Variants in CDH2 observed in about 807,000 individuals in gnomAD.
CDH2 encodes the protein cadherin 2.
In CDH2, 17 loss-of-function variants were observed where a neutral mutation model predicts 92.0. The ratio of observed to expected loss-of-function variants is 0.18; its 90% CI spans 0.13 to 0.28. CDH2 has a LOEUF of 0.28. Among genes scored for constraint, CDH2 ranks in the 10% least tolerant of loss-of-function variants. CDH2 has a pLI of 1.00. For synonymous variants in CDH2, 419 were observed against 415.9 expected, an observed-to-expected ratio of 1.01 and a Z score of -0.09; for missense variants, 862 against 1,133.1, an observed-to-expected ratio of 0.76 and a Z score of 3.44.
In CDH2 at chr18:28,043,674, C is replaced by A. The variant is rs77253337; in HGVS notation, c.173-29765G>T. ...TCTTGAAATAAATTCCCCACCAGCA[C>A]TATTCTTATTATCATCCTCTTTGAA... is the stretch of plus-strand genomic sequence containing the variant. On this transcript the variant is annotated intron_variant, in intron 2 of 15. Transcript: ENST00000269141. Among the ~76,000 whole-genome samples the A allele has an allele frequency of 2.7e-5, 4 of 150,592 alleles. No individual in the cohort carries two copies. In the East Asian group the frequency reaches 7.9e-4, roughly 30 times the overall value.
At chr18:28,044,778 CAA>C (rs10709800) in intron 2 of CDH2, among the ~76,000 whole-genome samples, 30 of 148,268 alleles carry the variant, frequency 2.0e-4, no homozygotes, top group African/African-American at 6.9e-4. Flanking sequence ...AGTTACTTGT[CAA>C]AAAAAAAATG....
chr18:28,120,866 T>A (rs2015576534), intron 2 of CDH2, among the ~76,000 whole-genome samples: 1 of 152,130 alleles, frequency 6.6e-6, no homozygotes, highest in Admixed American at 6.6e-5. Flanking sequence ...CCTTTGAAAA[T>A]GATCTTAAAC....
chr18:27,985,258 T>TTTGA lies in CDH2; in HGVS notation c.1976-29_1976-26dup. 3 of 1,322,960 alleles carry TTTGA rather than the reference T, an allele frequency of 2.3e-6. No individual in the cohort carries two copies. In the South Asian group the frequency reaches 3.6e-5, roughly 16 times the overall value. The allele number at this position is 1,322,960 out of a possible 1,614,324, so 82.0% of individuals were successfully genotyped here. On this transcript the variant is annotated intron_variant, in intron 12 of 15. Coordinates refer to ENST00000269141, the MANE Select transcript of CDH2 (RefSeq NM_001792.5). ...CCTATATGAAAAAGGAAAAACATAG[T>TTTGA]TTGATAGGTAATACTTAAAGCGATA... is the stretch of plus-strand genomic sequence containing the variant.
chr18:28,138,056 G>A (rs903671172), intron 2 of CDH2, among the ~76,000 whole-genome samples: 5 of 152,020 alleles, frequency 3.3e-5, no homozygotes, highest in Non-Finnish European at 7.4e-5. Context: ...GTGTGTGTGT[G>A]TGAAGGTTTT....
intron 2 of CDH2, among the ~76,000 whole-genome samples, chr18:28,136,702 A>C (rs11564310): frequency 6.6e-6 from 1 of 152,108 alleles, no homozygotes; most frequent in African/African-American, 2.4e-5. Flanking sequence ...ACCTCCAAAA[A>C]TCCATCTAGA....
chr18:28,074,469 C>T (rs2014679593), intron 2 of CDH2, among the ~76,000 whole-genome samples: 1 of 152,100 alleles, frequency 6.6e-6, no homozygotes, highest in Non-Finnish European at 1.5e-5. Flanking sequence ...TGGTTTTCAA[C>T]TCCTGACCTC....
chr18:27,967,148 G>A (rs1761281714), intron 14 of CDH2, among the ~76,000 whole-genome samples: 1 of 152,144 alleles, frequency 6.6e-6, no homozygotes, highest in Non-Finnish European at 1.5e-5. Context: ...TTAGACACAA[G>A]GTTAAAATAC....
rs547242214 is a variant in CDH2, at chr18:28,016,236, C to CCCTAAGCA, written c.173-2335_173-2328dup. Reference sequence around the variant, plus strand: ...AATTTCATATGAGTGGATCTTCTCTCCCTAAGCAGACTATAAACTCACTTT... The same window carrying CCCTAAGCA: ...AATTTCATATGAGTGGATCTTCTCTCCCTAAGCACCTAAGCAGACTATAAACTCACTTT... On this transcript the variant is annotated intron_variant, in intron 2 of 15. Transcript: ENST00000269141. 3.3e-4 allele frequency among the ~76,000 whole-genome samples: 51 copies of CCCTAAGCA among 152,300 alleles called. 2 individuals carry two copies. The South Asian group carries it at 0.01, about 31-fold the overall frequency.
At chr18:27,974,594 T>C (rs752449319) in intron 14 of CDH2, among the ~76,000 whole-genome samples, 10 of 152,212 alleles carry the variant, frequency 6.6e-5, no homozygotes, top group Non-Finnish European at 1.3e-4. Flanking sequence ...GAGGTATTGC[T>C]ACGCTCTGAA....
chr18:28,156,713 C>T (rs1479529421), intron 1 of CDH2, among the ~76,000 whole-genome samples: 1 of 134,790 alleles, frequency 7.4e-6, no homozygotes, highest in East Asian at 2.3e-4. Flanking sequence ...TACAGCATGT[C>T]ACCTTCCCAG....
intron 1 of CDH2, among the ~76,000 whole-genome samples, chr18:28,154,156 G>A (rs898803551): frequency 5.9e-5 from 9 of 152,182 alleles, no homozygotes; most frequent in African/African-American, 1.9e-4. Context: ...CAACAAAAAG[G>A]AATACAGAAA....
At chr18:27,971,365 ATTG>A (rs1389087783) in intron 14 of CDH2, among the ~76,000 whole-genome samples, 1 of 141,690 alleles carries the variant, frequency 7.1e-6, no homozygotes. Flanking sequence ...AATCTTTATC[ATTG>A]TTATTAGTAG....
chr18:27,941,126 C>A (rs1225433138), intron 6 of CDH2, among the ~76,000 whole-genome samples: 1 of 150,732 alleles, frequency 6.6e-6, no homozygotes, highest in Non-Finnish European at 1.5e-5. Flanking sequence ...AGCTCTGCCT[C>A]CCGGGTTCAC....
intron 6 of CDH2, among the ~76,000 whole-genome samples, chr18:28,004,454 T>C (rs1289268014): frequency 6.6e-6 from 1 of 152,212 alleles, no homozygotes; most frequent in South Asian, 2.1e-4. Context: ...ACAAGAAATA[T>C]ACTCACAATA....
chr18:28,125,118 G>C (rs775996870), intron 2 of CDH2, among the ~76,000 whole-genome samples: 61 of 152,270 alleles, frequency 4.0e-4, no homozygotes, highest in Admixed American at 1.5e-3. Flanking sequence ...AAACTTCTAA[G>C]TTCCTTCCTC....
intron 15 of CDH2, among the ~76,000 whole-genome samples, chr18:27,957,277 C>T (rs1017707243): frequency 8.6e-5 from 13 of 151,994 alleles, no homozygotes; most frequent in African/African-American, 2.4e-4. Context: ...GAGACAGGGT[C>T]TCACTCTGTA....
At chr18:28,021,615 A>T (rs540647455) in intron 2 of CDH2, among the ~76,000 whole-genome samples, 1 of 152,038 alleles carries the variant, frequency 6.6e-6, no homozygotes, top group South Asian at 2.1e-4. Flanking sequence ...TTTTAAAGAA[A>T]TTTTTTGCTC....
chr18:28,140,923 T>C (rs1385384244), intron 2 of CDH2, among the ~76,000 whole-genome samples: 1 of 150,584 alleles, frequency 6.6e-6, no homozygotes, highest in Non-Finnish European at 1.5e-5. Context: ...TATATATATA[T>C]ATAGGTATGA....
intron 4 of CDH2, among the ~76,000 whole-genome samples, chr18:28,010,281 A>G (rs1485015359): frequency 6.6e-6 from 1 of 152,152 alleles, no homozygotes; most frequent in African/African-American, 2.4e-5. Context: ...TTAATTGTCT[A>G]TCCATAGTGT....
Sources: gnomAD v4.1 joint callset for allele counts (sites outside exome capture counted in the v4.1 genomes callset) on GRCh38, gnomAD v4.1.1 for gene constraint, MANE v1.5 for transcripts, NCBI Gene and HGNC (gene_info 2026-07-23, HGNC 2026-07-21) for gene names.